Variants in AGTPBP1 observed in about 807,000 individuals in gnomAD.
The protein encoded by AGTPBP1 is cytosolic carboxypeptidase 1.
Under a neutral mutation model 143.9 loss-of-function variants are expected in AGTPBP1, and 70 were observed. The ratio of observed to expected loss-of-function variants is 0.49; its 90% CI spans 0.40 to 0.59. The LOEUF is 0.59. AGTPBP1 is among the 20% of genes least tolerant of loss of function. The pLI is 0.00. For synonymous variants in AGTPBP1, 463 were observed against 500.2 expected, an observed-to-expected ratio of 0.93 and a Z score of 0.99; for missense variants, 1,229 against 1,464.5, an observed-to-expected ratio of 0.84 and a Z score of 2.62.
chr9:85,608,238 C>A (rs954078705), intron 17 of AGTPBP1, among the ~76,000 whole-genome samples: 1 of 151,876 alleles, frequency 6.6e-6, no homozygotes, highest in Admixed American at 6.6e-5. Context: ...TTTATAATGA[C>A]AAAGTCACAA....
chr9:85,642,398 G>A (rs551930433), intron 13 of AGTPBP1, among the ~76,000 whole-genome samples: 12 of 151,222 alleles, frequency 7.9e-5, no homozygotes, highest in Middle Eastern at 3.4e-3. Flanking sequence ...GCGAGATCTC[G>A]GCTCACTGCA....
intron 25 of AGTPBP1, among the ~76,000 whole-genome samples, chr9:85,573,938 C>T (rs1219301774): frequency 6.6e-6 from 1 of 152,248 alleles, no homozygotes; most frequent in Non-Finnish European, 1.5e-5. Flanking sequence ...TGAGGAGCCC[C>T]TCTGCCCGGC....
At chr9:85,781,345 C>T in the AGTPBP1 span, 42 of 1,561,916 alleles carry the variant, frequency 2.7e-5, no homozygotes, top group African/African-American at 3.1e-4. Context: ...AGCAATTCGG[C>T]GGCAACTAGC....
chr9:85,637,781 G>A (rs899249317), intron 13 of AGTPBP1, among the ~76,000 whole-genome samples: 7 of 152,202 alleles, frequency 4.6e-5, no homozygotes, highest in African/African-American at 1.7e-4. Context: ...GAAACTTACT[G>A]TATGCAAATT....
chr9:85,553,273 G>A (rs1392469888), intron 25 of AGTPBP1, among the ~76,000 whole-genome samples: 1 of 152,158 alleles, frequency 6.6e-6, no homozygotes, highest in Non-Finnish European at 1.5e-5. Context: ...TTGTTGAAAA[G>A]TACAATACAG....
chr9:85,679,530 C>T lies in AGTPBP1; in HGVS notation c.226-1132G>A, dbSNP rs202148444. Among the ~76,000 whole-genome samples the T allele has an allele frequency of 4.6e-4, 70 of 152,240 alleles. No homozygotes were observed. The East Asian group carries it at 0.012, about 26-fold the overall frequency. On this transcript the variant is annotated intron_variant, in intron 4 of 25. Transcript: ENST00000357081. The stretch of plus-strand genomic sequence containing the variant: ...TCATGCCATTCTCCTGCCTCAGCCT[C>T]CCAAGCAGCTGGGACTACAGGCGTC...
chr9:85,727,533 C>T (rs577310135), intron 1 of AGTPBP1, among the ~76,000 whole-genome samples: 7 of 152,266 alleles, frequency 4.6e-5, no homozygotes, highest in African/African-American at 1.7e-4. Context: ...CTACTACATA[C>T]AGAAATACAG....
chr9:85,764,511 C>A, the AGTPBP1 span, among the ~76,000 whole-genome samples: 1 of 152,028 alleles, frequency 6.6e-6, no homozygotes, highest in African/African-American at 2.4e-5. Context: ...GCCTGGGGAA[C>A]AAGAGCAAAA....
At chr9:85,559,925 T>C (rs1826593378) in intron 25 of AGTPBP1, among the ~76,000 whole-genome samples, 1 of 152,202 alleles carries the variant, frequency 6.6e-6, no homozygotes, top group Admixed American at 6.5e-5. Context: ...GTCCCCTTTC[T>C]TGAGTGTGTA....
intron 1 of AGTPBP1, among the ~76,000 whole-genome samples, chr9:85,716,203 G>T (rs550064608): frequency 6.6e-6 from 1 of 152,232 alleles, no homozygotes; most frequent in South Asian, 2.1e-4. Flanking sequence ...CATCTTATTT[G>T]TCCTATCAGC....
intron 13 of AGTPBP1, 98 bp from the exon 14 acceptor site, chr9:85,633,472 T>C (rs1055345310): frequency 9.9e-7 from 1 of 1,006,256 alleles, no homozygotes; most frequent in Non-Finnish European, 1.3e-6. Context: ...CAGAAATTTT[T>C]GGAAATTTTA....
At chr9:85,804,758 C>G in the AGTPBP1 span, among the ~76,000 whole-genome samples, 1 of 152,214 alleles carries the variant, frequency 6.6e-6, no homozygotes, top group African/African-American at 2.4e-5. Flanking sequence ...GAGATAACGT[C>G]AAAGCGCCCT....
the AGTPBP1 span, among the ~76,000 whole-genome samples, chr9:85,779,703 T>G: frequency 1.3e-5 from 2 of 152,058 alleles, no homozygotes; most frequent in East Asian, 3.9e-4. Flanking sequence ...ACCAAAAATT[T>G]AAAAAATTAA....
At chr9:85,803,604 G>A in the AGTPBP1 span, among the ~76,000 whole-genome samples, 10 of 152,306 alleles carry the variant, frequency 6.6e-5, no homozygotes, top group African/African-American at 1.7e-4. Flanking sequence ...TTTGAGCAGC[G>A]AGACTCTGAA....
intron 4 of AGTPBP1, 70 bp downstream of exon 4, chr9:85,681,198 C>A (rs1835148308): frequency 7.4e-7 from 1 of 1,355,694 alleles, no homozygotes; most frequent in South Asian, 1.2e-5. Context: ...TATACACACA[C>A]ATACGCTTTT....
intron 11 of AGTPBP1, among the ~76,000 whole-genome samples, chr9:85,648,583 C>T (rs967113112): frequency 1.4e-4 from 21 of 152,246 alleles, no homozygotes; most frequent in African/African-American, 2.9e-4. Flanking sequence ...GAGGCCGAGA[C>T]GGGCGGATCA....
At chr9:85,583,821 C>G (rs1828434702) in intron 23 of AGTPBP1, among the ~76,000 whole-genome samples, 1 of 152,098 alleles carries the variant, frequency 6.6e-6, no homozygotes, top group Non-Finnish European at 1.5e-5. Flanking sequence ...AATCAGACAT[C>G]TTTGCTAGGC....
chr9:85,546,914 A>C lies in AGTPBP1; in HGVS notation c.*195T>G. 2.1e-6 allele frequency: 1 copy of C among 472,878 alleles called. No individual in the cohort carries two copies. The highest frequency in any genetic ancestry group is 3.6e-6 in the Non-Finnish European group (1 of 277,592). The allele number at this position is 472,878 out of a possible 1,614,324, so 29.3% of individuals were successfully genotyped here. On this transcript the variant is annotated 3_prime_UTR_variant, in exon 26 of 26. Transcript: ENST00000357081. ...TTCAATGCTACATAAAGTGCATTGAATATCGAAAATAAAACAAGCGCCAAT... is the reference window on the plus strand; with the variant it reads ...TTCAATGCTACATAAAGTGCATTGACTATCGAAAATAAAACAAGCGCCAAT...
chr9:85,683,722 T>C (rs1029370755), intron 3 of AGTPBP1, among the ~76,000 whole-genome samples: 1 of 152,172 alleles, frequency 6.6e-6, no homozygotes, highest in Non-Finnish European at 1.5e-5. Flanking sequence ...ATGGCCATTC[T>C]CAGGACCTCA....
Sources: allele counts gnomAD v4.1 joint callset (sites outside exome capture counted in the v4.1 genomes callset), GRCh38; gene constraint gnomAD v4.1.1; transcripts MANE v1.5; gene names NCBI Gene and HGNC (gene_info 2026-07-23, HGNC 2026-07-21).